The following PDXDC1 variants were observed in gnomAD, a reference collection of about 807,000 sequenced individuals.
PDXDC1 encodes the protein pyridoxal dependent decarboxylase domain containing 1.
A neutral mutation model predicts 100.1 loss-of-function variants in PDXDC1; 42 were observed. That is an observed-to-expected ratio of 0.42 (90% CI 0.33 to 0.54). The LOEUF (loss-of-function observed/expected upper bound fraction) is 0.54, where lower values mean the gene tolerates loss of function less well. Ranked by LOEUF, PDXDC1 falls within the 20% of genes least tolerant of loss-of-function variation. PDXDC1 has a pLI of 0.10. For synonymous variants in PDXDC1, 260 were observed against 371.7 expected (o/e 0.70, Z 3.46); for missense variants, 636 against 979.2 (o/e 0.65, Z 4.68).
chr16:15,122,259 A>G (rs1159219846), intron 16 of PDXDC1, among the ~76,000 whole-genome samples: 4 of 150,438 alleles, frequency 2.7e-5, no homozygotes, highest in Admixed American at 6.6e-5. Context: ...GTTAGAGACA[A>G]GAGTGCAGCG....
intron 16 of PDXDC1, chr16:15,125,924 A>G: frequency 9.3e-6 from 6 of 648,426 alleles, no homozygotes; most frequent in Non-Finnish European, 1.7e-5. Context: ...AGAATGTCCT[A>G]GAATGCTGGA....
At chr16:14,985,533 C>T (rs1470767045) in intron 1 of PDXDC1, among the ~76,000 whole-genome samples, 1 of 152,240 alleles carries the variant, frequency 6.6e-6, no homozygotes, top group African/African-American at 2.4e-5. Flanking sequence ...GATCCACCTG[C>T]CTCGGCCTCC....
In PDXDC1 at chr16:15,031,956, A is replaced by T. The variant is rs775380008; in HGVS notation, c.1571+50A>T. 3 of 1,443,936 alleles carry T rather than the reference A, an allele frequency of 2.1e-6. No individual in the cohort carries two copies. In the African/African-American group the frequency reaches 4.2e-5, roughly 20 times the overall value. 89.4% of individuals were successfully genotyped at this position (1,443,936 alleles called of 1,614,324 possible). A position where few individuals can be genotyped will look rare whatever the true frequency, so the allele number is the denominator to read the frequency against. ...TGTTGGAGACTTTTCTGTATAAAGAACATGAGTGGGTCATTTTCTGAACCA... is the reference window on the plus strand; with the variant it reads ...TGTTGGAGACTTTTCTGTATAAAGATCATGAGTGGGTCATTTTCTGAACCA... On this transcript the variant is annotated intron_variant, in intron 17 of 22. Coordinates refer to ENST00000396410, the MANE Select transcript of PDXDC1 (RefSeq NM_015027.4).
At chr16:15,092,210 T>C (rs1170896204) in intron 16 of PDXDC1, among the ~76,000 whole-genome samples, 2 of 152,116 alleles carry the variant, frequency 1.3e-5, no homozygotes, top group Non-Finnish European at 2.9e-5. Context: ...GGTGTAATTG[T>C]TTTTAATTCT....
intron 16 of PDXDC1, chr16:15,083,466 C>T (rs375122906): frequency 2.4e-5 from 38 of 1,604,394 alleles, no homozygotes; most frequent in South Asian, 3.4e-5. Context: ...AAAATGAAAT[C>T]GTACAAACAA....
intron 16 of PDXDC1, chr16:15,127,918 C>T: frequency 7.8e-6 from 11 of 1,403,842 alleles, no homozygotes; most frequent in Non-Finnish European, 1.1e-5. Flanking sequence ...GGGAGGGCCG[C>T]ACTGCAGGAG....
At chr16:15,094,832 T>G (rs1338880366) in intron 16 of PDXDC1, 1 of 152,404 alleles carries the variant, frequency 6.6e-6, no homozygotes, top group Non-Finnish European at 1.5e-5. Context: ...CTTGACTTTA[T>G]TTATTTATTT....
At chr16:15,069,544 G>C (rs1294094950) in intron 16 of PDXDC1, among the ~76,000 whole-genome samples, 1 of 152,184 alleles carries the variant, frequency 6.6e-6, no homozygotes, top group Non-Finnish European at 1.5e-5. Flanking sequence ...GGTCAATTAA[G>C]TCTCAAGGCT....
intron 16 of PDXDC1, among the ~76,000 whole-genome samples, chr16:15,124,793 CA>C (rs1004455488): frequency 4.0e-5 from 6 of 150,994 alleles, no homozygotes; most frequent in African/African-American, 1.5e-4. Context: ...CAACTACAAA[CA>C]AAAAACAGGG....
At position 15,129,266 on chromosome 16, in the gene PDXDC1, C is replaced by T. The variant is rs970875593; in HGVS notation, c.1400-9613C>T. ...GGCGGATCACCTGAGGTCAGGAGTT[C>T]GCCTGGCTGACACGGTGAAAAATTA... On this transcript the variant is annotated intron_variant, in intron 16 of 16. Transcript: ENST00000535621. Among the ~76,000 whole-genome samples, 9 of 150,886 alleles carry T rather than the reference C, an allele frequency of 6.0e-5. No homozygotes were observed. In the South Asian group the frequency reaches 1.5e-3, roughly 25 times the overall value.
At chr16:15,066,305 G>A (rs2044970652) in intron 16 of PDXDC1, among the ~76,000 whole-genome samples, 1 of 152,258 alleles carries the variant, frequency 6.6e-6, no homozygotes, top group South Asian at 2.1e-4. Context: ...GGAAGCATGT[G>A]CCCACACACA....
Position 15,135,254 on chromosome 16 carries a change from GT to G in PDXDC1, c.1400-3624del, listed in dbSNP as rs1214034451. On this transcript the variant is annotated intron_variant, in intron 16 of 16. Coordinates refer to the PDXDC1 transcript ENST00000535621. Reference sequence around the variant, plus strand: ...AGGGAGGTTGGGCTGTCCAAGGCAAGTGGCCGAGGGGCGGGCGGCACCCACC... The same window carrying G: ...AGGGAGGTTGGGCTGTCCAAGGCAAGGGCCGAGGGGCGGGCGGCACCCACC... 4.3e-6 allele frequency: 4 copies of G among 930,048 alleles called. No homozygotes were observed. The African/African-American group carries it at 6.1e-5, about 14-fold the overall frequency. The allele number at this position is 930,048 out of a possible 1,614,324, so 57.6% of individuals were successfully genotyped here.
intron 9 of PDXDC1, 111 bp from the exon 10 acceptor site, chr16:15,017,009 A>T: frequency 1.7e-6 from 2 of 1,202,596 alleles, no homozygotes; most frequent in South Asian, 1.3e-5. Context: ...TAATAACATT[A>T]AAAATATACT....
chr16:15,109,237 C>T (rs2151866241), intron 16 of PDXDC1: 1 of 148,958 alleles, frequency 6.7e-6, no homozygotes, highest in South Asian at 2.2e-4. Context: ...GGAGGTGACC[C>T]AAGCATTGAA....
chr16:15,146,627 T>C, the PDXDC1 span, among the ~76,000 whole-genome samples: 4 of 152,054 alleles, frequency 2.6e-5, no homozygotes, highest in African/African-American at 9.7e-5. Context: ...GAGGGGTCCA[T>C]AAGAGTCCAC....
intron 8 of PDXDC1, among the ~76,000 whole-genome samples, chr16:15,011,975 CA>C (rs1367089965): frequency 6.6e-6 from 1 of 152,258 alleles, no homozygotes; most frequent in African/African-American, 2.4e-5. Context: ...GCCACTGTCC[CA>C]GTCCTGTCTT....
At chr16:15,148,543 C>T in the PDXDC1 span, among the ~76,000 whole-genome samples, 3 of 151,480 alleles carry the variant, frequency 2.0e-5, no homozygotes, top group African/African-American at 2.4e-5. Context: ...CCACCACGCC[C>T]GGCCAATGTT....
intron 16 of PDXDC1, chr16:15,065,090 C>T (rs550572682): frequency 1.9e-5 from 17 of 883,386 alleles, no homozygotes; most frequent in South Asian, 3.6e-5. Context: ...GGTGTGAACC[C>T]GGGAGGCGGA....
downstream of PDXDC1, among the ~76,000 whole-genome samples, chr16:15,039,720 G>A (rs191758580): frequency 8.5e-5 from 13 of 152,200 alleles, no homozygotes; most frequent in South Asian, 1.5e-3. Context: ...CTTTGAATTC[G>A]GATGCTGGGG....
Sources: allele counts gnomAD v4.1 joint callset (sites outside exome capture counted in the v4.1 genomes callset), GRCh38; gene constraint gnomAD v4.1.1; transcripts MANE v1.5; gene names NCBI Gene and HGNC (gene_info 2026-07-23, HGNC 2026-07-21).